The following ELL2 variants were observed in gnomAD, a reference collection of about 807,000 sequenced individuals.
ELL2 encodes elongation factor for RNA polymerase II 2.
In ELL2, 21 loss-of-function variants were observed where a neutral mutation model predicts 72.8. That is an observed-to-expected ratio of 0.29 (90% CI 0.20 to 0.42). ELL2 has a LOEUF of 0.42. ELL2 is among the 10% of genes least tolerant of loss of function. The pLI is 1.00. For synonymous variants in ELL2, 266 were observed against 283.2 expected, an observed-to-expected ratio of 0.94 and a Z score of 0.61; for missense variants, 568 against 772.8, an observed-to-expected ratio of 0.73 and a Z score of 3.14.
At chr5:95,923,378 C>A (rs897523131) in intron 2 of ELL2, among the ~76,000 whole-genome samples, 1 of 152,180 alleles carries the variant, frequency 6.6e-6, no homozygotes, top group Admixed American at 6.5e-5. Context: ...CCACCTCTGT[C>A]CTCACCTCTG....
chr5:95,919,573 C>T (rs775137255), intron 2 of ELL2, 28 bp from the exon 3 acceptor site: 50 of 1,528,792 alleles, frequency 3.3e-5, no homozygotes, highest in Non-Finnish European at 2.5e-5. Context: ...GAGAGAAACG[C>T]CTCAAATTAT....
chr5:95,951,240 G>C (rs1245758554), intron 1 of ELL2, among the ~76,000 whole-genome samples: 1 of 151,766 alleles, frequency 6.6e-6, no homozygotes, highest in Non-Finnish European at 1.5e-5. Flanking sequence ...GTGGTGGTGG[G>C]CGCCTGTAGC....
intron 4 of ELL2, 121 bp from the exon 5 acceptor site, chr5:95,906,903 TTTA>T: frequency 9.7e-7 from 1 of 1,034,008 alleles, no homozygotes. Flanking sequence ...TAAAGGCCAC[TTTA>T]TTTCAATCTT....
chr5:95,952,306 G>A (rs903064544), intron 1 of ELL2, among the ~76,000 whole-genome samples: 2 of 152,140 alleles, frequency 1.3e-5, no homozygotes, highest in Admixed American at 6.5e-5. Context: ...CCTACTTTGA[G>A]GGTGGAGGGT....
At chr5:95,893,542 C>T (rs1045151267) in intron 9 of ELL2, among the ~76,000 whole-genome samples, 12 of 152,234 alleles carry the variant, frequency 7.9e-5, no homozygotes, top group African/African-American at 2.4e-4. Flanking sequence ...CCCGCCACCA[C>T]GCTCGACTAA....
chr5:95,909,945 C>CT (rs397998783), intron 4 of ELL2, among the ~76,000 whole-genome samples: 1 of 151,562 alleles, frequency 6.6e-6, no homozygotes, highest in East Asian at 1.9e-4. Flanking sequence ...GACCAGAAGC[C>CT]TGGCAACACA....
intron 1 of ELL2, among the ~76,000 whole-genome samples, chr5:95,956,902 CA>C (rs1751647185): frequency 6.6e-6 from 1 of 152,158 alleles, no homozygotes; most frequent in Non-Finnish European, 1.5e-5. Context: ...AAAACATTAT[CA>C]CTTTCCTAGA....
chr5:95,887,484 C>G lies in ELL2; in HGVS notation c.*1387G>C, dbSNP rs1313757308. The G allele has an allele frequency of 6.6e-6, 1 of 152,622 alleles. No homozygotes were observed. Among genetic ancestry groups the G allele is most frequent in the Non-Finnish European group, 1.5e-5 (1 of 68,016 alleles). 9.5% of individuals were successfully genotyped at this position (152,622 alleles called of 1,614,324 possible). On this transcript the variant is annotated 3_prime_UTR_variant, in exon 12 of 12. Coordinates refer to ENST00000237853, the MANE Select transcript of ELL2 (RefSeq NM_012081.6). ...AACAGATTTGTAAACATAATGCTTC[C>G]CTTTTCAACTGGCAGCACTTTGAAA...
In ELL2 at chr5:95,886,563, G is replaced by T. The variant is rs1253257158; in HGVS notation, c.*2308C>A. 1 of 152,010 alleles carries T rather than the reference G, an allele frequency of 6.6e-6. No homozygotes were observed. Among genetic ancestry groups the T allele is most frequent in the Non-Finnish European group, 1.5e-5 (1 of 68,020 alleles). 9.4% of individuals were successfully genotyped at this position (152,010 alleles called of 1,614,324 possible). ...CAACTGGAAGGCTTGTTTGTAAACAGGTTCTGAAACAAGAGTTGGCAGTGA... is the reference window on the plus strand; with the variant it reads ...CAACTGGAAGGCTTGTTTGTAAACATGTTCTGAAACAAGAGTTGGCAGTGA... On this transcript the variant is annotated 3_prime_UTR_variant, in exon 12 of 12. Coordinates refer to ENST00000237853, the MANE Select transcript of ELL2 (RefSeq NM_012081.6).
At chr5:95,937,927 T>C (rs890413229) in intron 2 of ELL2, among the ~76,000 whole-genome samples, 3 of 152,146 alleles carry the variant, frequency 2.0e-5, no homozygotes, top group Non-Finnish European at 2.9e-5. Context: ...ATTTTTATCT[T>C]TGCTGTGTAT....
intron 9 of ELL2, among the ~76,000 whole-genome samples, chr5:95,895,427 C>T (rs766538867): frequency 1.3e-5 from 2 of 152,100 alleles, no homozygotes; most frequent in African/African-American, 4.8e-5. Flanking sequence ...CAGCTCAGAG[C>T]GGGGGGAGGC....
At chr5:95,925,360 A>G (rs955629423) in intron 2 of ELL2, among the ~76,000 whole-genome samples, 1 of 152,192 alleles carries the variant, frequency 6.6e-6, no homozygotes, top group Non-Finnish European at 1.5e-5. Context: ...TGTTCAAGTT[A>G]GAGTCATACT....
chr5:95,952,385 C>T (rs990345704), intron 1 of ELL2, among the ~76,000 whole-genome samples: 6 of 152,016 alleles, frequency 3.9e-5, no homozygotes, highest in African/African-American at 1.2e-4. Flanking sequence ...ATGAAATAAT[C>T]TGTACACCAA....
At chr5:95,947,774 AT>A (rs1273671924) in intron 1 of ELL2, among the ~76,000 whole-genome samples, 1 of 152,140 alleles carries the variant, frequency 6.6e-6, no homozygotes, top group Non-Finnish European at 1.5e-5. Flanking sequence ...TTCTTTTGGC[AT>A]TTTGTTTCCA....
rs773620678 is a variant in ELL2 at position 95,961,673 on chromosome 5, G to A, written c.49C>T (p.Leu17=). 5 of 1,607,880 alleles carry A rather than the reference G, an allele frequency of 3.1e-6. No individual in the cohort carries two copies. Among genetic ancestry groups the A allele is most frequent in the Admixed American group, 1.7e-5 (1 of 59,670 alleles). Reference sequence around the variant, plus strand: ...TCCTGCCCCAGCCGTCCGCACGACAGCCCATAGCGCTGCTCCTCCCGCAGG... The same window carrying A: ...TCCTGCCCCAGCCGTCCGCACGACAACCCATAGCGCTGCTCCTCCCGCAGG... ...GGLREEQRYG[L]SCGRLGQDNI... The change falls in exon 1 of 12, where the codon CTG becomes TTG. Residue 17 remains leucine (L), a synonymous_variant. Coordinates refer to ENST00000237853, the MANE Select transcript of ELL2 (RefSeq NM_012081.6).
chr5:95,941,757 T>C (rs771541108), intron 2 of ELL2, among the ~76,000 whole-genome samples: 3 of 152,196 alleles, frequency 2.0e-5, no homozygotes, highest in Non-Finnish European at 2.9e-5. Context: ...GAATTAGGCC[T>C]GACCCTGGCA....
intron 2 of ELL2, among the ~76,000 whole-genome samples, chr5:95,921,154 A>C (rs775351509): frequency 3.3e-5 from 5 of 152,260 alleles, no homozygotes; most frequent in Non-Finnish European, 7.3e-5. Flanking sequence ...AAAGGTAAGA[A>C]GGGAGACAAT....
chr5:95,950,904 GTATATA>G (rs869036736), intron 1 of ELL2, among the ~76,000 whole-genome samples: 2,495 of 46,102 alleles, frequency 0.054, 70 homozygotes, highest in Non-Finnish European at 0.067. Context: ...GTATGTATGT[GTATATA>G]TATATATATA....
chr5:95,901,498 G>GT (rs1192068342), intron 5 of ELL2, among the ~76,000 whole-genome samples: 1 of 152,046 alleles, frequency 6.6e-6, no homozygotes, highest in Non-Finnish European at 1.5e-5. Context: ...TATATATACT[G>GT]TTTTTTTCTT....
Sources: allele counts gnomAD v4.1 joint callset (sites outside exome capture counted in the v4.1 genomes callset), GRCh38; gene constraint gnomAD v4.1.1; transcripts MANE v1.5; gene names NCBI Gene and HGNC (gene_info 2026-07-23, HGNC 2026-07-21).